MSMB: variants seen among roughly 807,000 people sequenced by gnomAD.
MSMB encodes the protein beta-microseminoprotein.
MSMB carries 10 observed loss-of-function variants against 10.5 expected under a neutral mutation model. The ratio of observed to expected loss-of-function variants is 0.95; its 90% CI spans 0.59 to 1.62. The LOEUF (loss-of-function observed/expected upper bound fraction) is 1.62. Among genes scored for constraint, MSMB ranks in the 40% most tolerant of loss-of-function variants. MSMB has a pLI of 0.00. For synonymous variants in MSMB, 43 were observed against 46.5 expected, an observed-to-expected ratio of 0.93 and a Z score of 0.30; for missense variants, 126 against 137.4, an observed-to-expected ratio of 0.92 and a Z score of 0.42.
In MSMB at chr10:46,033,484, A is replaced by G; in HGVS notation, c.283T>C (p.Tyr95His). ...QRIFKKEDCKYIVVEKKDPKK... is the reference protein window; with the variant it reads ...QRIFKKEDCKHIVVEKKDPKK... ...GGGTCCTTCTTCTCCACCACGATAT[A>G]CTTGCAGTCCTCCTTCTTGAAGATT... Residue 95 changes from tyrosine (Y) to histidine (H), a missense_variant, in exon 4 of 4, where the codon TAT becomes CAT. By Grantham distance (83) the Tyr-to-His change is moderately conservative. Coordinates refer to ENST00000582163, the MANE Select transcript of MSMB (RefSeq NM_002443.4). The G allele has an allele frequency of 6.2e-7, 1 of 1,613,932 alleles. No homozygotes were observed.
intron 2 of MSMB, among the ~76,000 whole-genome samples, chr10:46,039,571 A>T (rs1401090937): frequency 6.6e-6 from 1 of 152,186 alleles, no homozygotes; most frequent in Non-Finnish European, 1.5e-5. Context: ...GGCCCAGGCT[A>T]CTGTGTTCTT....
At chr10:46,046,177 T>C in intron 1 of MSMB, 58 bp downstream of exon 1, 1 of 1,543,046 alleles carries the variant, frequency 6.5e-7, no homozygotes, top group South Asian at 1.1e-5. Context: ...CATATTAAAA[T>C]AGGAATACAT....
chr10:46,033,680 G>C, intron 3 of MSMB, 129 bp from the exon 4 acceptor site: 1 of 1,349,302 alleles, frequency 7.4e-7, no homozygotes, highest in East Asian at 2.4e-5. Context: ...GGCAGCCCCA[G>C]AGTGTGACCT....
intron 3 of MSMB, among the ~76,000 whole-genome samples, 163 bp downstream of exon 3, chr10:46,038,803 C>A (rs547283803): frequency 6.6e-6 from 1 of 152,260 alleles, no homozygotes; most frequent in South Asian, 2.1e-4. Context: ...ATTTCTGTAC[C>A]TCTGCTCAGT....
intron 1 of MSMB, among the ~76,000 whole-genome samples, chr10:46,040,742 C>G (rs1840723932): frequency 6.6e-6 from 1 of 152,098 alleles, no homozygotes. Context: ...ATCATGAGGT[C>G]AGGAGATCGA....
At chr10:46,038,864 C>G (rs1329421157) in intron 3 of MSMB, 102 bp downstream of exon 3, 17 of 995,244 alleles carry the variant, frequency 1.7e-5, no homozygotes, top group Admixed American at 6.9e-5. Context: ...AAAACTAAAA[C>G]AAAAACTAAA....
chr10:46,036,400 G>A (rs1347538266), intron 3 of MSMB, among the ~76,000 whole-genome samples: 1 of 152,244 alleles, frequency 6.6e-6, no homozygotes, highest in Non-Finnish European at 1.5e-5. Flanking sequence ...TCCCCTGCAT[G>A]GAGCAGTGTG....
chr10:46,038,389 G>A (rs987765865), intron 3 of MSMB, among the ~76,000 whole-genome samples: 5 of 151,682 alleles, frequency 3.3e-5, no homozygotes, highest in Admixed American at 2.6e-4. Flanking sequence ...CCGGGTTCAC[G>A]CCATTCTCCT....
intron 3 of MSMB, among the ~76,000 whole-genome samples, chr10:46,035,573 T>C (rs1840583161): frequency 6.6e-6 from 1 of 152,240 alleles, no homozygotes; most frequent in Non-Finnish European, 1.5e-5. Context: ...ACAGTGTGAT[T>C]GTATTTATGT....
intron 2 of MSMB, 132 bp downstream of exon 2, chr10:46,039,854 C>G: frequency 1.5e-6 from 1 of 662,296 alleles, no homozygotes; most frequent in South Asian, 1.9e-5. Context: ...TGCACTCCAG[C>G]CTGGGAGACA....
intron 3 of MSMB, among the ~76,000 whole-genome samples, chr10:46,038,256 A>G (rs1554927803): frequency 1.3e-5 from 2 of 152,114 alleles, no homozygotes; most frequent in African/African-American, 4.8e-5. Flanking sequence ...AAAATTGTTA[A>G]CATGGTACAT....
intron 3 of MSMB, among the ~76,000 whole-genome samples, chr10:46,036,041 A>T (rs1554927492): frequency 6.6e-6 from 1 of 152,204 alleles, no homozygotes; most frequent in East Asian, 1.9e-4. Context: ...AACTGTCAAC[A>T]TCGGGTATTC....
chr10:46,040,213 A>T (rs1840709903), intron 1 of MSMB, 122 bp from the exon 2 acceptor site: 2 of 635,334 alleles, frequency 3.1e-6, no homozygotes, highest in East Asian at 3.0e-5. Context: ...GGAGCTCATA[A>T]CTGAACAAAC....
intron 1 of MSMB, among the ~76,000 whole-genome samples, chr10:46,044,766 A>G (rs545335667): frequency 2.0e-5 from 3 of 151,184 alleles, no homozygotes; most frequent in South Asian, 2.1e-4. Context: ...AGCCTGGGCA[A>G]CATAGTAAAA....
At chr10:46,034,536 G>C (rs1336908414) in intron 3 of MSMB, among the ~76,000 whole-genome samples, 1 of 151,732 alleles carries the variant, frequency 6.6e-6, no homozygotes, top group Non-Finnish European at 1.5e-5. Context: ...ATAAAGAAAT[G>C]ATGATAGGGC....
chr10:46,044,322 A>G (rs1330144743), intron 1 of MSMB, among the ~76,000 whole-genome samples: 1 of 151,678 alleles, frequency 6.6e-6, no homozygotes, highest in Non-Finnish European at 1.5e-5. Context: ...CACGCCTGTA[A>G]TCCCAGCACT....
At chr10:46,043,546 C>G (rs782149825) in intron 1 of MSMB, among the ~76,000 whole-genome samples, 7 of 152,110 alleles carry the variant, frequency 4.6e-5, no homozygotes, top group Non-Finnish European at 5.9e-5. Context: ...GAAACACAAT[C>G]TAGGAGCCAG....
Position 46,039,059 on chromosome 10 carries a change from A to G in MSMB, c.122T>C (p.Leu41Pro). 2.5e-6 allele frequency: 4 copies of G among 1,613,914 alleles called. No homozygotes were observed. The highest frequency in any genetic ancestry group is 3.4e-6 in the Non-Finnish European group (4 of 1,179,848). ...PGDSTRKCMD[L>P]KGNKHPINSE... is the part of the protein sequence containing the mutation. ...GTTTATTGGGTGTTTGTTTCCTTTG[A>G]GATCCATGCATTCTAAAATAATACA... The change falls in exon 3 of 4, where the codon CTC (leucine) becomes CCC (proline). Residue 41 changes from leucine to proline, a missense_variant. Leu to Pro is a moderately conservative substitution (Grantham distance 98). Coordinates refer to ENST00000582163, the MANE Select transcript of MSMB (RefSeq NM_002443.4).
chr10:46,039,781 C>T (rs1263076166), intron 2 of MSMB, among the ~76,000 whole-genome samples: 1 of 152,158 alleles, frequency 6.6e-6, no homozygotes, highest in Non-Finnish European at 1.5e-5. Context: ...ACTTGGGAGG[C>T]TGAGGAGGTA....
Sources: allele counts gnomAD v4.1 joint callset (sites outside exome capture counted in the v4.1 genomes callset), GRCh38; gene constraint gnomAD v4.1.1; transcripts MANE v1.5; gene names NCBI Gene and HGNC (gene_info 2026-07-23, HGNC 2026-07-21).